PCCA: variants seen among roughly 807,000 people sequenced by gnomAD.
PCCA encodes the protein propionyl-CoA carboxylase alpha chain, mitochondrial.
PCCA carries 74 observed loss-of-function variants against 101.3 expected under a neutral mutation model. The ratio of observed to expected loss-of-function variants is 0.73; its 90% confidence interval spans 0.61 to 0.89. The LOEUF (loss-of-function observed/expected upper bound fraction) is 0.89. Among genes scored for constraint, PCCA ranks in the 40% least tolerant of loss-of-function variants. The pLI, the probability that PCCA is intolerant of heterozygous loss-of-function variation, is 0.00. For synonymous variants in PCCA, 294 were observed against 313.6 expected (o/e 0.94, Z 0.66); for missense variants, 891 against 907.0 (o/e 0.98, Z 0.23).
intron 7 of PCCA, among the ~76,000 whole-genome samples, chr13:100,235,294 A>G (rs2060725900): frequency 6.6e-6 from 1 of 150,632 alleles, no homozygotes; most frequent in African/African-American, 2.4e-5. Context: ...AAAAAAAAAG[A>G]AAGAAACAAT....
At chr13:100,512,333 G>A (rs770852447) in intron 21 of PCCA, among the ~76,000 whole-genome samples, 2 of 152,148 alleles carry the variant, frequency 1.3e-5, no homozygotes, top group African/African-American at 4.8e-5. Context: ...TTAGAGACCC[G>A]GGTTCGGGTC....
At chr13:100,332,477 A>G (rs1248382673) in intron 17 of PCCA, among the ~76,000 whole-genome samples, 1 of 152,188 alleles carries the variant, frequency 6.6e-6, no homozygotes, top group Non-Finnish European at 1.5e-5. Context: ...AACCTTTAGA[A>G]CAAACATTAT....
chr13:100,125,476 G>C (rs1451262301), intron 4 of PCCA, among the ~76,000 whole-genome samples: 1 of 152,182 alleles, frequency 6.6e-6, no homozygotes, highest in African/African-American at 2.4e-5. Context: ...TTAGTATATG[G>C]TTTTGAATCT....
intron 6 of PCCA, among the ~76,000 whole-genome samples, chr13:100,168,013 T>C (rs1458189555): frequency 2.0e-5 from 3 of 152,190 alleles, no homozygotes; most frequent in Non-Finnish European, 4.4e-5. Flanking sequence ...GAGGCCGTCT[T>C]GGTGTGACCT....
intron 20 of PCCA, among the ~76,000 whole-genome samples, chr13:100,437,161 A>G (rs1479886857): frequency 1.3e-5 from 2 of 152,200 alleles, no homozygotes; most frequent in Non-Finnish European, 2.9e-5. Flanking sequence ...AGGCTTGTGC[A>G]TGCCCTAGGC....
chr13:100,330,076 C>G (rs1351082223), intron 16 of PCCA, among the ~76,000 whole-genome samples: 1 of 152,212 alleles, frequency 6.6e-6, no homozygotes, highest in Non-Finnish European at 1.5e-5. Context: ...CCAACCACCA[C>G]TTCAAGCATC....
chr13:100,431,975 A>T (rs1288624999), intron 20 of PCCA, among the ~76,000 whole-genome samples: 1 of 152,090 alleles, frequency 6.6e-6, no homozygotes, highest in African/African-American at 2.4e-5. Flanking sequence ...GGATCACCTG[A>T]GGTAAGGCGT....
chr13:100,494,165 G>A (rs1184210572), intron 21 of PCCA, among the ~76,000 whole-genome samples: 1 of 152,002 alleles, frequency 6.6e-6, no homozygotes, highest in African/African-American at 2.4e-5. Flanking sequence ...CTCCAGCCTG[G>A]TGACAGAGGA....
At chr13:100,435,220 C>CAGTCATGGTGGAGGCAAAGCAGGAGG (rs2079840610) in intron 20 of PCCA, among the ~76,000 whole-genome samples, 1 of 152,136 alleles carries the variant, frequency 6.6e-6, no homozygotes. Flanking sequence ...AGGGAGCTTT[C>CAGTCATGGTGGAGGCAAAGCAGGAGG]AGTCATGGTG....
intron 19 of PCCA, among the ~76,000 whole-genome samples, chr13:100,379,198 G>A (rs1178565855): frequency 6.6e-6 from 1 of 152,114 alleles, no homozygotes; most frequent in African/African-American, 2.4e-5. Context: ...TTCTTTGGCT[G>A]TAAACAGTAT....
chr13:100,425,031 C>T (rs2152893068), intron 19 of PCCA, among the ~76,000 whole-genome samples: 1 of 151,754 alleles, frequency 6.6e-6, no homozygotes, highest in South Asian at 2.1e-4. Context: ...TTACGAGTAT[C>T]CCTGTTTTGA....
intron 19 of PCCA, among the ~76,000 whole-genome samples, chr13:100,419,472 A>C (rs1202199413): frequency 1.1e-5 from 1 of 87,506 alleles, no homozygotes; most frequent in African/African-American, 1.5e-4. Context: ...ACTTTGTCTC[A>C]AAAAAAAAAA....
At chr13:100,248,259 T>G (rs1464779009) in intron 8 of PCCA, among the ~76,000 whole-genome samples, 1 of 152,178 alleles carries the variant, frequency 6.6e-6, no homozygotes. Flanking sequence ...TGTTCCATTC[T>G]TTGGATTCTG....
chr13:100,142,222 G>C (rs909493030), intron 4 of PCCA, among the ~76,000 whole-genome samples: 1 of 151,986 alleles, frequency 6.6e-6, no homozygotes, highest in African/African-American at 2.4e-5. Flanking sequence ...ACACAAAAGA[G>C]GCATGCCAAC....
chr13:100,470,169 C>T (rs1002146909), intron 21 of PCCA, among the ~76,000 whole-genome samples: 1 of 152,102 alleles, frequency 6.6e-6, no homozygotes, highest in African/African-American at 2.4e-5. Flanking sequence ...GGGGTGAACA[C>T]GTCAATCAGC....
In PCCA at chr13:100,404,068, A is replaced by G. The variant is rs376957720; in HGVS notation, c.1747-21565A>G. On this transcript the variant is annotated intron_variant, in intron 19 of 23. Transcript: ENST00000376285. ...TCAGAGATCCCTCAAAGGCCTATCTAAGCGTTCCCGGCAGAAGGGGCCGTT... is the reference window on the plus strand; with the variant it reads ...TCAGAGATCCCTCAAAGGCCTATCTGAGCGTTCCCGGCAGAAGGGGCCGTT... 1.7e-3 allele frequency among the ~76,000 whole-genome samples: 263 copies of G among 152,348 alleles called. 1 individual carries two copies. The highest frequency in any genetic ancestry group is 6.0e-3 in the African/African-American group (248 of 41,592).
At position 100,425,724 on chromosome 13, in the gene PCCA, C is replaced by G. The variant is rs967478888; in HGVS notation, c.1838C>G (p.Thr613Ser). 5.6e-6 allele frequency: 9 copies of G among 1,609,330 alleles called. No individual in the cohort carries two copies. Among genetic ancestry groups the G allele is most frequent in the Non-Finnish European group, 6.8e-6 (8 of 1,175,620 alleles). ...GTCAGCGTTGATGGCACTCAGAGGA[C>G]TGTCCAGGTGAGTGTTGTAAGGATT... Reference protein sequence around the residue: ...LSVSVDGTQRTVQCLSREAGG... With the variant: ...LSVSVDGTQRSVQCLSREAGG... The change falls in exon 20 of 24, where the codon ACT becomes AGT. Residue 613 changes from threonine to serine, a missense_variant. By Grantham distance (58) the Thr-to-Ser change is moderately conservative (BLOSUM62 1). Transcript: ENST00000376285.
At chr13:100,423,948 G>T (rs2078983191) in intron 19 of PCCA, among the ~76,000 whole-genome samples, 1 of 152,184 alleles carries the variant, frequency 6.6e-6, no homozygotes, top group Admixed American at 6.5e-5. Context: ...TCTCGCTGTT[G>T]AGGCTTTGAA....
chr13:100,472,509 A>G (rs1216107389), intron 21 of PCCA, among the ~76,000 whole-genome samples: 1 of 152,168 alleles, frequency 6.6e-6, no homozygotes, highest in East Asian at 1.9e-4. Context: ...TTATTACTTC[A>G]TCACCTAAGA....
Sources: allele counts gnomAD v4.1 joint callset (sites outside exome capture counted in the v4.1 genomes callset), GRCh38; gene constraint gnomAD v4.1.1; transcripts MANE v1.5; gene names NCBI Gene and HGNC (gene_info 2026-07-23, HGNC 2026-07-21).